Variants in DCC observed in about 807,000 individuals in gnomAD.
DCC encodes netrin receptor DCC.
In DCC, 58 loss-of-function variants were observed where a neutral mutation model predicts 172.5. The observed-to-expected ratio is 0.34, with a 90% CI of 0.27 to 0.42. DCC has a LOEUF of 0.42. Ranked by LOEUF, DCC falls within the 10% of genes least tolerant of loss-of-function variation. DCC has a pLI of 1.00. For synonymous variants in DCC, 709 were observed against 644.5 expected (o/e 1.10, Z -1.52); for missense variants, 1,740 against 1,791.0 (o/e 0.97, Z 0.51).
intron 1 of DCC, among the ~76,000 whole-genome samples, chr18:52,396,875 G>A (rs1347760736): frequency 6.6e-6 from 1 of 151,982 alleles, no homozygotes; most frequent in Non-Finnish European, 1.5e-5. Context: ...GCCCCACGAG[G>A]CTGTGTGATC....
intron 25 of DCC, among the ~76,000 whole-genome samples, chr18:53,485,501 A>G (rs2045890066): frequency 1.3e-5 from 2 of 152,268 alleles, no homozygotes; most frequent in East Asian, 1.9e-4. Context: ...TATAGGAAAT[A>G]CTAATCATTT....
At chr18:53,407,471 T>TTA (rs1183619723) in intron 19 of DCC, among the ~76,000 whole-genome samples, 2 of 146,914 alleles carry the variant, frequency 1.4e-5, no homozygotes, top group Non-Finnish European at 3.0e-5. Flanking sequence ...TATACAAATT[T>TTA]TATATATATC....
intron 12 of DCC, among the ~76,000 whole-genome samples, chr18:53,255,998 G>A (rs939111740): frequency 6.6e-6 from 1 of 152,158 alleles, no homozygotes; most frequent in Non-Finnish European, 1.5e-5. Context: ...TCTTTTGGCT[G>A]AATAAATGTC....
At chr18:53,198,306 A>C (rs2055480036) in intron 9 of DCC, among the ~76,000 whole-genome samples, 1 of 152,152 alleles carries the variant, frequency 6.6e-6, no homozygotes, top group African/African-American at 2.4e-5. Flanking sequence ...TGTGCAGATA[A>C]TTTCAGGGGC....
intron 20 of DCC, among the ~76,000 whole-genome samples, chr18:53,414,574 C>A (rs1428471051): frequency 1.3e-5 from 2 of 152,094 alleles, no homozygotes; most frequent in Non-Finnish European, 2.9e-5. Context: ...ATTGGCCGGG[C>A]GTGGTGGCTC....
chr18:52,932,328 C>T (rs772494880), intron 5 of DCC, among the ~76,000 whole-genome samples: 1 of 152,108 alleles, frequency 6.6e-6, no homozygotes, highest in Non-Finnish European at 1.5e-5. Flanking sequence ...AAAGACAGTC[C>T]TCCATAAATG....
At chr18:52,968,057 A>G (rs2040964544) in intron 5 of DCC, among the ~76,000 whole-genome samples, 1 of 152,188 alleles carries the variant, frequency 6.6e-6, no homozygotes, top group South Asian at 2.1e-4. Context: ...GGAAAGGTGT[A>G]TATTATTCTT....
chr18:53,275,799 A>G (rs975179875), intron 12 of DCC, among the ~76,000 whole-genome samples: 6 of 152,150 alleles, frequency 3.9e-5, no homozygotes. Context: ...TAATGTGTAT[A>G]ACCAAATGTT....
intron 5 of DCC, among the ~76,000 whole-genome samples, chr18:53,044,252 A>C (rs1261389961): frequency 6.6e-6 from 1 of 151,884 alleles, no homozygotes; most frequent in Admixed American, 6.6e-5. Flanking sequence ...AAGGCAAGAT[A>C]GTCTCTTTTT....
intron 1 of DCC, among the ~76,000 whole-genome samples, chr18:52,653,747 C>G (rs2035189705): frequency 6.6e-6 from 1 of 152,086 alleles, no homozygotes; most frequent in South Asian, 2.1e-4. Context: ...GTTCCAGGTC[C>G]TTCACCTCAA....
intron 1 of DCC, among the ~76,000 whole-genome samples, chr18:52,477,900 C>T (rs750894604): frequency 6.6e-6 from 1 of 152,130 alleles, no homozygotes; most frequent in Non-Finnish European, 1.5e-5. Flanking sequence ...GCCCCAAACT[C>T]CTGAGCTCAA....
intron 2 of DCC, among the ~76,000 whole-genome samples, chr18:52,821,341 A>G (rs964409133): frequency 5.3e-5 from 8 of 152,090 alleles, no homozygotes; most frequent in African/African-American, 1.9e-4. Flanking sequence ...CCCCTCCTTC[A>G]TCATTTGCTT....
chr18:52,990,540 C>CAAAAAAAA lies in DCC; in HGVS notation c.985+65189_985+65196dup, dbSNP rs60491222. Among the ~76,000 whole-genome samples the CAAAAAAAA allele has an allele frequency of 3.3e-3, 12 of 3,670 alleles. 4 individuals are homozygous for CAAAAAAAA. Among genetic ancestry groups the CAAAAAAAA allele is most frequent in the Non-Finnish European group, 5.1e-3 (8 of 1,570 alleles). 2.4% of individuals were successfully genotyped at this position (3,670 alleles called of 152,430 possible). On this transcript the variant is annotated intron_variant, in intron 5 of 28. Transcript: ENST00000442544. ...GGGCAACAAGAGCAAAACTCCATCC[C>CAAAAAAAA]AAAAAAAAAAAAAAAAAAAAAAAAA...
intron 1 of DCC, among the ~76,000 whole-genome samples, chr18:52,496,824 A>T (rs2030770968): frequency 6.6e-6 from 1 of 152,056 alleles, no homozygotes; most frequent in South Asian, 2.1e-4. Context: ...TTACTTTTAG[A>T]TGTTTTATTT....
intron 1 of DCC, among the ~76,000 whole-genome samples, chr18:52,424,217 G>C (rs1046442659): frequency 1.3e-5 from 2 of 152,150 alleles, no homozygotes; most frequent in African/African-American, 4.8e-5. Flanking sequence ...CACTCACTGT[G>C]TATCAGGTAG....
intron 1 of DCC, among the ~76,000 whole-genome samples, chr18:52,436,073 T>A (rs942380704): frequency 1.2e-4 from 19 of 152,190 alleles, no homozygotes; most frequent in African/African-American, 4.6e-4. Flanking sequence ...GCCCCTCAGA[T>A]CTTAGTTTTA....
chr18:52,972,709 A>G (rs2041049614), intron 5 of DCC, among the ~76,000 whole-genome samples: 1 of 152,210 alleles, frequency 6.6e-6, no homozygotes, highest in South Asian at 2.1e-4. Context: ...GTTAGCACAA[A>G]TGTACTTCTC....
intron 12 of DCC, among the ~76,000 whole-genome samples, chr18:53,243,289 G>A (rs2056326017): frequency 6.6e-6 from 1 of 152,108 alleles, no homozygotes; most frequent in South Asian, 2.1e-4. Context: ...GAAGAATCAT[G>A]TAGCACAGCT....
intron 7 of DCC, among the ~76,000 whole-genome samples, chr18:53,130,736 C>A (rs34556005): frequency 0.16 from 23,937 of 152,076 alleles, 2,358 homozygotes; most frequent in African/African-American, 0.28. Flanking sequence ...CCATGTCTTA[C>A]CTTAGTGTCC....
Sources: allele counts gnomAD v4.1 joint callset (sites outside exome capture counted in the v4.1 genomes callset), GRCh38; gene constraint gnomAD v4.1.1; transcripts MANE v1.5; gene names NCBI Gene and HGNC (gene_info 2026-07-23, HGNC 2026-07-21).